Variants in IRAK1BP1 observed in about 807,000 individuals in gnomAD.
IRAK1BP1 encodes interleukin-1 receptor-associated kinase 1-binding protein 1.
A neutral mutation model predicts 28.0 loss-of-function variants in IRAK1BP1; 24 were observed. The observed-to-expected ratio is 0.86, with a 90% CI of 0.62 to 1.20. The LOEUF (loss-of-function observed/expected upper bound fraction) is 1.20, where lower values mean the gene tolerates loss of function less well. Ranked by LOEUF, IRAK1BP1 falls within the 50% of genes most tolerant of loss-of-function variation. The pLI is 0.00. For missense variants in IRAK1BP1, 336 were observed against 316.7 expected, an observed-to-expected ratio of 1.06 and a Z score of -0.46; for synonymous variants, 131 against 116.3, an observed-to-expected ratio of 1.13 and a Z score of -0.81.
At chr6:78,926,739 ATC>A (rs1172149277) in intron 4 of IRAK1BP1, among the ~76,000 whole-genome samples, 1 of 151,814 alleles carries the variant, frequency 6.6e-6, no homozygotes, top group African/African-American at 2.4e-5. Context: ...TCTACTCCCT[ATC>A]TCCATGAATT....
downstream of IRAK1BP1, among the ~76,000 whole-genome samples, chr6:78,904,886 T>C (rs1200495062): frequency 6.6e-6 from 1 of 152,298 alleles, no homozygotes; most frequent in South Asian, 2.1e-4. Flanking sequence ...ACGTACAAAG[T>C]AAGCATAGAT....
chr6:78,952,447 A>AG, the IRAK1BP1 span, among the ~76,000 whole-genome samples: 1 of 151,174 alleles, frequency 6.6e-6, no homozygotes, highest in African/African-American at 2.4e-5. Flanking sequence ...AAAAGAAAAA[A>AG]AAAAAGGAAA....
chr6:78,946,309 G>T, exon 5 of IRAK1BP1: 1 of 1,514,318 alleles, frequency 6.6e-7, no homozygotes. Context: ...CTATGTGAAC[G>T]AATAAAACAG....
intron 1 of IRAK1BP1, among the ~76,000 whole-genome samples, chr6:78,868,846 A>G (rs187981515): frequency 6.6e-6 from 1 of 152,364 alleles, no homozygotes; most frequent in East Asian, 1.9e-4. Flanking sequence ...TTTATAGAGT[A>G]GGACCCCAAA....
chr6:78,927,071 G>A (rs1313615728), intron 4 of IRAK1BP1, among the ~76,000 whole-genome samples: 4 of 152,156 alleles, frequency 2.6e-5, no homozygotes, highest in East Asian at 1.9e-4. Flanking sequence ...CCCAACAGTC[G>A]GATTGCTGGA....
downstream of IRAK1BP1, among the ~76,000 whole-genome samples, chr6:78,905,809 G>C (rs915509504): frequency 1.3e-5 from 2 of 152,088 alleles, no homozygotes; most frequent in African/African-American, 4.8e-5. Flanking sequence ...CACCATGTTA[G>C]CCAGGATGGT....
chr6:78,924,398 C>T (rs532944703), intron 4 of IRAK1BP1, among the ~76,000 whole-genome samples: 1 of 152,266 alleles, frequency 6.6e-6, no homozygotes, highest in East Asian at 1.9e-4. Context: ...AGAGCAATAA[C>T]AGGCTCTGAA....
chr6:78,906,365 T>C (rs1772260379), downstream of IRAK1BP1, among the ~76,000 whole-genome samples: 1 of 152,188 alleles, frequency 6.6e-6, no homozygotes, highest in African/African-American at 2.4e-5. Flanking sequence ...GAGATAAAGC[T>C]GAAAAGTACA....
intron 4 of IRAK1BP1, among the ~76,000 whole-genome samples, chr6:78,910,296 T>C (rs368265766): frequency 6.6e-6 from 1 of 152,162 alleles, no homozygotes; most frequent in African/African-American, 2.4e-5. Context: ...ATACTGGTTT[T>C]CCTCTGCATA....
chr6:78,940,085 G>A (rs1271260251), intron 4 of IRAK1BP1: 1 of 152,208 alleles, frequency 6.6e-6, no homozygotes, highest in East Asian at 1.9e-4. Context: ...TTGTTTGGCA[G>A]AAATGGAATA....
At chr6:78,951,180 G>T (rs1012029451), downstream of IRAK1BP1, among the ~76,000 whole-genome samples, 3 of 152,034 alleles carry the variant, frequency 2.0e-5, no homozygotes, top group African/African-American at 7.2e-5. Flanking sequence ...GTGGATTTGG[G>T]CAAAATATAA....
intron 4 of IRAK1BP1, among the ~76,000 whole-genome samples, chr6:78,927,473 C>G (rs1206146279): frequency 6.6e-6 from 1 of 152,026 alleles, no homozygotes. Flanking sequence ...ATATGTTCTC[C>G]CATTCTGTGG....
chr6:78,900,885 A>G lies in IRAK1BP1; in HGVS notation c.*2551A>G, dbSNP rs1405856446. 5 of 152,316 alleles carry G rather than the reference A, an allele frequency of 3.3e-5. No homozygotes were observed. Among genetic ancestry groups the G allele is most frequent in the Non-Finnish European group, 5.9e-5 (4 of 68,014 alleles). The allele number at this position is 152,316 out of a possible 1,614,324, so 9.4% of individuals were successfully genotyped here. On this transcript the variant is annotated 3_prime_UTR_variant, in exon 4 of 4. Coordinates refer to ENST00000369940, the MANE Select transcript of IRAK1BP1 (RefSeq NM_001010844.4). ...GCATTGTTTGATTATTGTTGGCTCA[A>G]TTAAAAGTTGGCTTTTCCAAATCCT...
chr6:78,919,112 C>A (rs1267724329), intron 4 of IRAK1BP1, among the ~76,000 whole-genome samples: 1 of 151,948 alleles, frequency 6.6e-6, no homozygotes, highest in Non-Finnish European at 1.5e-5. Context: ...AAGTAAACAA[C>A]AAAATTAAAG....
At chr6:78,918,600 A>AAG (rs1554191189) in intron 4 of IRAK1BP1, among the ~76,000 whole-genome samples, 1 of 148,862 alleles carries the variant, frequency 6.7e-6, no homozygotes. Context: ...AAAAAAAAAA[A>AAG]GGGACAAAGA....
the IRAK1BP1 span, chr6:78,954,752 C>A: frequency 1.0e-6 from 1 of 992,120 alleles, no homozygotes; most frequent in Non-Finnish European, 1.5e-6. Flanking sequence ...AAATAGCCAA[C>A]TGTCATGTAA....
rs534885128 is a variant in IRAK1BP1 at position 78,867,859 on chromosome 6, A to G, written c.283A>G (p.Ile95Val). The change falls in exon 1 of 4, where the codon ATC becomes GTC. Residue 95 changes from isoleucine (I) to valine (V), a missense_variant. Coordinates refer to ENST00000369940, the MANE Select transcript of IRAK1BP1 (RefSeq NM_001010844.4). ...KKSVCRRLDY[I>V]TQSLQQQGVQ... ...GAGCGTTTGTCGCCGTCTAGATTACATCACGCAGAGCCTCCAGCAGCAGGG... is the reference window on the plus strand; with the variant it reads ...GAGCGTTTGTCGCCGTCTAGATTACGTCACGCAGAGCCTCCAGCAGCAGGG... 5.0e-6 allele frequency: 8 copies of G among 1,606,028 alleles called. No homozygotes were observed. The African/African-American group carries it at 8.0e-5, about 16-fold the overall frequency.
chr6:78,950,763 T>A (rs576129388), downstream of IRAK1BP1, among the ~76,000 whole-genome samples: 1 of 152,152 alleles, frequency 6.6e-6, no homozygotes, highest in Non-Finnish European at 1.5e-5. Flanking sequence ...CAGAGGCTTG[T>A]CAATTCTGTT....
chr6:78,883,097 A>T (rs1771288279), intron 1 of IRAK1BP1, among the ~76,000 whole-genome samples: 1 of 152,008 alleles, frequency 6.6e-6, no homozygotes, highest in South Asian at 2.1e-4. Context: ...TCTCTACAAA[A>T]ATTTTTTTAG....
Sources: gnomAD v4.1 joint callset for allele counts (sites outside exome capture counted in the v4.1 genomes callset) on GRCh38, gnomAD v4.1.1 for gene constraint, MANE v1.5 for transcripts, NCBI Gene and HGNC (gene_info 2026-07-23, HGNC 2026-07-21) for gene names.